The following PLCE1 variants were observed in gnomAD, a reference collection of about 807,000 sequenced individuals.
The protein encoded by PLCE1 is phospholipase C epsilon 1.
PLCE1 carries 119 observed loss-of-function variants against 242.8 expected under a neutral mutation model. That is an observed-to-expected ratio of 0.49 (90% confidence interval 0.42 to 0.57). The LOEUF is 0.57. PLCE1 is among the 20% of genes least tolerant of loss of function. The pLI, the probability that PLCE1 is intolerant of heterozygous loss-of-function variation, is 0.00. For missense variants in PLCE1, 2,441 were observed against 2,788.8 expected (o/e 0.88, Z 2.81); for synonymous variants, 945 against 1,017.4 (o/e 0.93, Z 1.35).
intron 2 of PLCE1, among the ~76,000 whole-genome samples, chr10:94,086,475 A>G (rs2135302662): frequency 6.6e-6 from 1 of 152,276 alleles, no homozygotes; most frequent in Admixed American, 6.5e-5. Context: ...GCAATTTCTC[A>G]CTTGCCTAAG....
intron 2 of PLCE1, among the ~76,000 whole-genome samples, chr10:94,050,230 G>A (rs2134771942): frequency 6.6e-6 from 1 of 152,256 alleles, no homozygotes; most frequent in South Asian, 2.1e-4. Context: ...GTTCCACATG[G>A]CTGCAGAGGG....
chr10:94,271,536 G>C (rs565303632), intron 18 of PLCE1, among the ~76,000 whole-genome samples: 1 of 151,646 alleles, frequency 6.6e-6, no homozygotes, highest in East Asian at 2.0e-4. Flanking sequence ...GGATGGTCTC[G>C]AACTCCTGAC....
At chr10:94,262,246 C>A (rs1191363321) in intron 13 of PLCE1, among the ~76,000 whole-genome samples, 2 of 152,104 alleles carry the variant, frequency 1.3e-5, no homozygotes, top group Non-Finnish European at 2.9e-5. Context: ...GGTGGTCCAC[C>A]TGCCTCAGCC....
At chr10:94,102,537 G>A (rs1407933593) in intron 2 of PLCE1, among the ~76,000 whole-genome samples, 2 of 152,224 alleles carry the variant, frequency 1.3e-5, no homozygotes, top group African/African-American at 2.4e-5. Context: ...TGCCTCCTGG[G>A]TGGATTGTCT....
At chr10:94,224,003 G>C (rs764445700) in intron 4 of PLCE1, among the ~76,000 whole-genome samples, 1 of 151,872 alleles carries the variant, frequency 6.6e-6, no homozygotes, top group Non-Finnish European at 1.5e-5. Flanking sequence ...TATAACTAGC[G>C]GTGGCCCTCT....
intron 4 of PLCE1, among the ~76,000 whole-genome samples, chr10:94,209,166 G>T (rs1449588806): frequency 4.6e-5 from 7 of 152,064 alleles, no homozygotes; most frequent in Non-Finnish European, 1.0e-4. Flanking sequence ...AGGACATCTG[G>T]GTTTTATCAT....
At chr10:94,221,465 A>G (rs886861809) in intron 4 of PLCE1, among the ~76,000 whole-genome samples, 1 of 152,216 alleles carries the variant, frequency 6.6e-6, no homozygotes, top group Non-Finnish European at 1.5e-5. Flanking sequence ...AGCCGGGTTC[A>G]GTGGCTCACG....
At chr10:94,268,874 C>T (rs1053165873) in intron 16 of PLCE1, 55 bp from the exon 17 acceptor site, 3 of 982,482 alleles carry the variant, frequency 3.1e-6, no homozygotes, top group South Asian at 2.6e-5. Context: ...GGGTTTAGTT[C>T]GAGGCTTTAT....
intron 1 of PLCE1, among the ~76,000 whole-genome samples, chr10:94,022,210 G>A (rs1248551169): frequency 1.3e-5 from 2 of 151,858 alleles, no homozygotes; most frequent in Non-Finnish European, 2.9e-5. Flanking sequence ...AATTTATGTT[G>A]TCTATAAATA....
chr10:94,091,165 A>G lies in PLCE1; in HGVS notation c.1207-41009A>G, dbSNP rs190558748. 1.5e-3 allele frequency among the ~76,000 whole-genome samples: 221 copies of G among 152,336 alleles called. 2 individuals carry two copies. Among genetic ancestry groups the G allele is most frequent in the African/African-American group, 4.4e-3 (184 of 41,584 alleles). On this transcript the variant is annotated intron_variant, in intron 2 of 32. Coordinates refer to ENST00000371380, the MANE Select transcript of PLCE1 (RefSeq NM_016341.4). ...TAAACAATTGAGGAACAATTGCCAGAAACATCTGGGAACAGTCGCCATGGA... is the reference window on the plus strand; with the variant it reads ...TAAACAATTGAGGAACAATTGCCAGGAACATCTGGGAACAGTCGCCATGGA...
intron 4 of PLCE1, among the ~76,000 whole-genome samples, chr10:94,176,461 T>C (rs2048129292): frequency 6.6e-6 from 1 of 152,144 alleles, no homozygotes; most frequent in Admixed American, 6.6e-5. Flanking sequence ...CATTGGCATG[T>C]CAAACATATT....
chr10:94,244,418 T>C (rs971923429), intron 7 of PLCE1, among the ~76,000 whole-genome samples: 4 of 152,190 alleles, frequency 2.6e-5, no homozygotes, highest in Non-Finnish European at 5.9e-5. Flanking sequence ...CAACTTCCTA[T>C]GCTTTGAAAA....
chr10:94,266,807 G>A (rs2051533847), intron 16 of PLCE1, among the ~76,000 whole-genome samples: 1 of 152,168 alleles, frequency 6.6e-6, no homozygotes, highest in Non-Finnish European at 1.5e-5. Context: ...CTCAAAGCAT[G>A]GGGCAATTTT....
rs1024344649 is a variant in PLCE1 at position 94,045,586 on chromosome 10, A to C, written c.1206+13334A>C. Among the ~76,000 whole-genome samples the C allele has an allele frequency of 2.6e-5, 4 of 152,278 alleles. No individual in the cohort carries two copies. The South Asian group carries it at 6.2e-4, about 24-fold the overall frequency. On this transcript the variant is annotated intron_variant, in intron 2 of 32. Coordinates refer to ENST00000371380, the MANE Select transcript of PLCE1 (RefSeq NM_016341.4). ...AGGTCTCTATAGACTCTCTCTCCTC[A>C]TCTCTAAAATATTATAAAAAATACA...
At chr10:94,156,736 G>A (rs1564739819) in intron 3 of PLCE1, among the ~76,000 whole-genome samples, 1 of 152,068 alleles carries the variant, frequency 6.6e-6, no homozygotes, top group Non-Finnish European at 1.5e-5. Flanking sequence ...TTGTAATCAT[G>A]CCTTGGTTTT....
chr10:94,145,572 G>A (rs1338958900), intron 3 of PLCE1, among the ~76,000 whole-genome samples: 2 of 152,066 alleles, frequency 1.3e-5, no homozygotes, highest in Non-Finnish European at 2.9e-5. Flanking sequence ...TGGCTTCTCT[G>A]GCAACCCTGG....
intron 2 of PLCE1, among the ~76,000 whole-genome samples, chr10:94,071,272 G>C (rs2044343903): frequency 6.6e-6 from 1 of 152,086 alleles, no homozygotes; most frequent in Admixed American, 6.6e-5. Context: ...GCTAGGAATA[G>C]TTTCCTCCAA....
chr10:94,271,568 C>T (rs1017738965), intron 18 of PLCE1, among the ~76,000 whole-genome samples: 1 of 151,988 alleles, frequency 6.6e-6, no homozygotes, highest in Non-Finnish European at 1.5e-5. Flanking sequence ...CCCACCTCAG[C>T]CTCCCAGAGT....
rs571911334 is a variant in PLCE1, at chr10:94,330,445, T to G, written c.*2502T>G. On this transcript the variant is annotated 3_prime_UTR_variant, in exon 33 of 33. Transcript: ENST00000371380. ...CTGTAATCCCAACACTCTGGGAGGCTGAGGTGGGTGGATCACCTGAGGTCT... is the reference window on the plus strand; with the variant it reads ...CTGTAATCCCAACACTCTGGGAGGCGGAGGTGGGTGGATCACCTGAGGTCT... 1 of 152,328 alleles carries G rather than the reference T, an allele frequency of 6.6e-6. No homozygotes were observed. The highest frequency in any genetic ancestry group is 1.5e-5 in the Non-Finnish European group (1 of 68,036). 9.4% of individuals were successfully genotyped at this position (152,328 alleles called of 1,614,324 possible).
Sources: gnomAD v4.1 joint callset for allele counts (sites outside exome capture counted in the v4.1 genomes callset) on GRCh38, gnomAD v4.1.1 for gene constraint, MANE v1.5 for transcripts, NCBI Gene and HGNC (gene_info 2026-07-23, HGNC 2026-07-21) for gene names.